KANSL1L: variants seen among roughly 807,000 people sequenced by gnomAD.
The protein encoded by KANSL1L is KAT8 regulatory NSL complex subunit 1-like protein.
Under a neutral mutation model 108.6 loss-of-function variants are expected in KANSL1L, and 25 were observed. That is an observed-to-expected ratio of 0.23 (90% confidence interval 0.17 to 0.32). KANSL1L has a LOEUF of 0.32. Ranked by LOEUF, KANSL1L falls within the 10% of genes least tolerant of loss-of-function variation. The pLI is 1.00. For synonymous variants in KANSL1L, 405 were observed against 395.1 expected, an observed-to-expected ratio of 1.03 and a Z score of -0.30; for missense variants, 1,137 against 1,125.7, an observed-to-expected ratio of 1.01 and a Z score of -0.14.
In KANSL1L at chr2:210,119,169, C is replaced by T. The variant is rs190737341; in HGVS notation, c.1230+9862G>A. On this transcript the variant is annotated intron_variant, in intron 3 of 14. Coordinates refer to ENST00000281772, the MANE Select transcript of KANSL1L (RefSeq NM_152519.4). ...ACTGCACTCCAGCCTGGTGACAGAG[C>T]GAGGCTCCGTCTCGAAAAAAAAGAA... Among the ~76,000 whole-genome samples the T allele has an allele frequency of 3.9e-3, 591 of 150,588 alleles. 1 individual carries two copies. Among genetic ancestry groups the T allele is most frequent in the African/African-American group, 0.014 (560 of 40,952 alleles).
rs185717235 is a variant in KANSL1L, at chr2:210,038,338, A to T, written c.2029+2082T>A. ...AGTTTTTAAGCCACACTGAACTTAT[A>T]AAAAAATACGTAGTTTAAACGCCTT... On this transcript the variant is annotated intron_variant, in intron 8 of 14. Coordinates refer to ENST00000281772, the MANE Select transcript of KANSL1L (RefSeq NM_152519.4). Among the ~76,000 whole-genome samples the T allele has an allele frequency of 5.0e-3, 753 of 152,084 alleles. 3 individuals carry two copies. The highest frequency in any genetic ancestry group is 0.021 in the South Asian group (99 of 4,814).
At chr2:210,159,076 T>C (rs1468233924) in intron 1 of KANSL1L, among the ~76,000 whole-genome samples, 1 of 152,214 alleles carries the variant, frequency 6.6e-6, no homozygotes, top group East Asian at 1.9e-4. Flanking sequence ...AATAACCTGG[T>C]GAGAAAATGA....
intron 5 of KANSL1L, among the ~76,000 whole-genome samples, chr2:210,078,467 G>C (rs527686983): frequency 2.0e-5 from 3 of 152,120 alleles, no homozygotes; most frequent in Admixed American, 6.6e-5. Flanking sequence ...AAGAATTCTT[G>C]CAAAGTATCA....
intron 5 of KANSL1L, among the ~76,000 whole-genome samples, chr2:210,085,742 G>GTTTCCATATGATTATATAT (rs1180411972): frequency 2.0e-5 from 3 of 151,184 alleles, no homozygotes; most frequent in Non-Finnish European, 4.4e-5. Flanking sequence ...ATATAAGCAT[G>GTTTCCATATGATTATATAT]TTTCCATATG....
chr2:210,029,991 G>A (rs555969637), intron 9 of KANSL1L, 73 bp from the exon 10 acceptor site: 11 of 624,924 alleles, frequency 1.8e-5, no homozygotes, highest in Admixed American at 8.1e-5. Flanking sequence ...TTCCTAATTA[G>A]ATGACAGGTG....
intron 5 of KANSL1L, among the ~76,000 whole-genome samples, chr2:210,083,048 T>A (rs2094602676): frequency 6.6e-6 from 1 of 152,144 alleles, no homozygotes; most frequent in Admixed American, 6.5e-5. Context: ...ATCAAATCAG[T>A]GATTTCCTTA....
rs187591248 is a variant in KANSL1L, at chr2:210,118,122, C to T, written c.1230+10909G>A. 1.0e-3 allele frequency among the ~76,000 whole-genome samples: 150 copies of T among 147,862 alleles called. 1 individual carries two copies. The highest frequency in any genetic ancestry group is 2.6e-3 in the African/African-American group (103 of 40,118). On this transcript the variant is annotated intron_variant, in intron 3 of 14. Transcript: ENST00000281772. Reference sequence around the variant, plus strand: ...CAGAGGTTGCAGTGAGGTGAGATCACGCCATTGTACTCCAGCCTGGGCAAC... The same window carrying T: ...CAGAGGTTGCAGTGAGGTGAGATCATGCCATTGTACTCCAGCCTGGGCAAC...
chr2:210,124,566 AC>A (rs2095049046), intron 3 of KANSL1L, among the ~76,000 whole-genome samples: 1 of 152,096 alleles, frequency 6.6e-6, no homozygotes, highest in Admixed American at 6.6e-5. Context: ...TCTCGAAATA[AC>A]AACCTAATTT....
intron 4 of KANSL1L, among the ~76,000 whole-genome samples, chr2:210,098,859 C>T (rs2094764889): frequency 6.6e-6 from 1 of 150,680 alleles, no homozygotes. Context: ...GACATTTGTC[C>T]CAGACTTAAA....
intron 5 of KANSL1L, among the ~76,000 whole-genome samples, chr2:210,087,810 TTCTA>T (rs1299821842): frequency 3.9e-5 from 6 of 152,216 alleles, no homozygotes; most frequent in Admixed American, 3.3e-4. Flanking sequence ...GCTGTTCTCA[TTCTA>T]TCTAATTCAG....
chr2:210,140,299 T>C (rs1038806295), intron 2 of KANSL1L, among the ~76,000 whole-genome samples: 5 of 152,218 alleles, frequency 3.3e-5, no homozygotes, highest in Non-Finnish European at 7.4e-5. Flanking sequence ...TCAGGTCTTA[T>C]GTTGAAGTCT....
intron 6 of KANSL1L, among the ~76,000 whole-genome samples, chr2:210,057,753 G>T (rs972704597): frequency 6.6e-6 from 1 of 152,042 alleles, no homozygotes; most frequent in Non-Finnish European, 1.5e-5. Flanking sequence ...AATTTCTTAC[G>T]CCTGTCTTTA....
intron 6 of KANSL1L, among the ~76,000 whole-genome samples, chr2:210,060,131 AC>A (rs1400145559): frequency 1.3e-5 from 2 of 152,336 alleles, no homozygotes; most frequent in East Asian, 3.9e-4. Flanking sequence ...GCCTGCATTC[AC>A]ATAAAGTTTA....
intron 1 of KANSL1L, among the ~76,000 whole-genome samples, chr2:210,160,042 A>G (rs2095353699): frequency 6.6e-6 from 1 of 152,240 alleles, no homozygotes; most frequent in Non-Finnish European, 1.5e-5. Flanking sequence ...TCTCAAAAAA[A>G]AGAAAACAAT....
intron 5 of KANSL1L, among the ~76,000 whole-genome samples, chr2:210,096,226 T>C (rs2094734811): frequency 6.6e-6 from 1 of 152,216 alleles, no homozygotes; most frequent in Admixed American, 6.5e-5. Flanking sequence ...TTCTTTCATT[T>C]GGATCTACAT....
intron 1 of KANSL1L, among the ~76,000 whole-genome samples, chr2:210,166,262 A>G (rs1364214624): frequency 2.6e-5 from 4 of 152,150 alleles, no homozygotes; most frequent in African/African-American, 9.6e-5. Context: ...CATGAAATAC[A>G]GTAAAAGCCA....
At chr2:210,052,639 T>C (rs1056659797) in intron 6 of KANSL1L, among the ~76,000 whole-genome samples, 7 of 152,324 alleles carry the variant, frequency 4.6e-5, no homozygotes, top group Admixed American at 3.9e-4. Flanking sequence ...CTTACTTTAG[T>C]TCTATTTTTT....
intron 8 of KANSL1L, among the ~76,000 whole-genome samples, chr2:210,033,958 A>G (rs1255129972): frequency 2.0e-5 from 3 of 152,142 alleles, no homozygotes; most frequent in African/African-American, 4.8e-5. Context: ...ATGTATGACA[A>G]TTCTACACAT....
chr2:210,075,478 T>C (rs1179687197), intron 6 of KANSL1L, 74 bp downstream of exon 6: 2 of 964,818 alleles, frequency 2.1e-6, no homozygotes, highest in Non-Finnish European at 3.3e-6. Context: ...TAAATAACAA[T>C]CTACATCTTC....
Sources: gnomAD v4.1 joint callset for allele counts (sites outside exome capture counted in the v4.1 genomes callset) on GRCh38, gnomAD v4.1.1 for gene constraint, MANE v1.5 for transcripts, NCBI Gene and HGNC (gene_info 2026-07-23, HGNC 2026-07-21) for gene names.